Variants in ZRANB3 observed in about 807,000 individuals in gnomAD.
ZRANB3 encodes the protein zinc finger RANBP2-type containing 3.
A neutral mutation model predicts 133.8 loss-of-function variants in ZRANB3; 125 were observed. The ratio of observed to expected loss-of-function variants is 0.93; its 90% CI spans 0.81 to 1.08. ZRANB3 has a LOEUF of 1.08. Ranked by LOEUF, ZRANB3 falls within the 50% of genes least tolerant of loss-of-function variation. ZRANB3 has a pLI of 0.00. For synonymous variants in ZRANB3, 387 were observed against 432.7 expected, an observed-to-expected ratio of 0.89 and a Z score of 1.31; for missense variants, 1,229 against 1,275.5, an observed-to-expected ratio of 0.96 and a Z score of 0.56.
chr2:135,298,733 T>C (rs1281498772), intron 8 of ZRANB3, among the ~76,000 whole-genome samples: 1 of 152,200 alleles, frequency 6.6e-6, no homozygotes, highest in Admixed American at 6.5e-5. Context: ...AGTAGGGCAG[T>C]GAAATGGACT....
chr2:135,400,439 G>T (rs1687685748), intron 2 of ZRANB3, among the ~76,000 whole-genome samples: 1 of 151,752 alleles, frequency 6.6e-6, no homozygotes, highest in Non-Finnish European at 1.5e-5. Context: ...TCCGCCTCCT[G>T]GGTTCAAGTG....
intron 2 of ZRANB3, among the ~76,000 whole-genome samples, chr2:135,495,451 C>A (rs1692622826): frequency 6.6e-6 from 1 of 152,016 alleles, no homozygotes; most frequent in Non-Finnish European, 1.5e-5. Flanking sequence ...ATTAAAGGAG[C>A]ATAATGTATG....
intron 19 of ZRANB3, among the ~76,000 whole-genome samples, chr2:135,203,463 C>G (rs1028781686): frequency 6.6e-6 from 1 of 151,598 alleles, no homozygotes; most frequent in South Asian, 2.1e-4. Flanking sequence ...ACTAAAAATA[C>G]AAAAAATTAG....
At chr2:135,500,718 T>C (rs1692898724) in intron 2 of ZRANB3, among the ~76,000 whole-genome samples, 1 of 135,238 alleles carries the variant, frequency 7.4e-6, no homozygotes, top group Non-Finnish European at 1.5e-5. Flanking sequence ...TATACATTCA[T>C]AATCTATGTA....
intron 3 of ZRANB3, among the ~76,000 whole-genome samples, chr2:135,362,331 GA>G (rs1472548065): frequency 6.6e-6 from 1 of 152,162 alleles, no homozygotes; most frequent in Non-Finnish European, 1.5e-5. Flanking sequence ...ACTCAAGACA[GA>G]AGAGTCTATG....
chr2:135,456,857 C>T (rs1158660224), intron 2 of ZRANB3, among the ~76,000 whole-genome samples: 1 of 152,188 alleles, frequency 6.6e-6, no homozygotes, highest in East Asian at 1.9e-4. Context: ...GACAGCAGAA[C>T]ACCTTTCAAA....
intron 17 of ZRANB3, among the ~76,000 whole-genome samples, chr2:135,213,384 G>A (rs1284767669): frequency 6.6e-6 from 1 of 152,134 alleles, no homozygotes; most frequent in Admixed American, 6.5e-5. Context: ...CAATGCTGTT[G>A]TTCAACAGCA....
intron 6 of ZRANB3, among the ~76,000 whole-genome samples, chr2:135,322,820 C>T (rs1447114795): frequency 1.3e-5 from 2 of 151,954 alleles, no homozygotes; most frequent in African/African-American, 2.4e-5. Context: ...AGTGTAAGAC[C>T]AGCCTGGATA....
At chr2:135,503,038 C>T (rs1693015068) in intron 2 of ZRANB3, among the ~76,000 whole-genome samples, 1 of 151,994 alleles carries the variant, frequency 6.6e-6, no homozygotes, top group Admixed American at 6.6e-5. Context: ...AGGCAAAATA[C>T]AAAACATCAG....
intron 2 of ZRANB3, among the ~76,000 whole-genome samples, chr2:135,418,853 A>G (rs1164388341): frequency 2.0e-5 from 3 of 149,902 alleles, no homozygotes; most frequent in African/African-American, 4.9e-5. Context: ...GATAGATGAG[A>G]GTTGACAATG....
rs1441229971 is a variant in ZRANB3 at position 135,455,031 on chromosome 2, AACAATTATATACAAGAGG to A, written c.161+49280_161+49297del. Among the ~76,000 whole-genome samples, 3 of 152,314 alleles carry A rather than the reference AACAATTATATACAAGAGG, an allele frequency of 2.0e-5. No homozygotes were observed. In the East Asian group the frequency reaches 5.8e-4, roughly 29 times the overall value. ...ACAAAAGAGGCACCAGAAACCACAG[AACAATTATATACAAGAGG>A]TATATATAACTTAGGCTGGGTCAAG... On this transcript the variant is annotated intron_variant, in intron 2 of 20. Transcript: ENST00000264159.
intron 1 of ZRANB3, among the ~76,000 whole-genome samples, chr2:135,521,507 G>A (rs1010285314): frequency 6.6e-6 from 1 of 151,868 alleles, no homozygotes; most frequent in African/African-American, 2.4e-5. Flanking sequence ...ACTCCAGCCT[G>A]GGCAAAAAAG....
chr2:135,411,902 T>G (rs1688319169), intron 2 of ZRANB3, among the ~76,000 whole-genome samples: 2 of 152,122 alleles, frequency 1.3e-5, no homozygotes, highest in Non-Finnish European at 2.9e-5. Context: ...TGTACCCCTC[T>G]GAATCTATAA....
intron 3 of ZRANB3, among the ~76,000 whole-genome samples, chr2:135,369,186 A>G (rs1246326647): frequency 2.0e-5 from 3 of 152,094 alleles, no homozygotes; most frequent in African/African-American, 7.2e-5. Flanking sequence ...AGAAATACAT[A>G]GAAAGTATTT....
At chr2:135,229,362 CA>C (rs1164714542) in intron 13 of ZRANB3, among the ~76,000 whole-genome samples, 17 of 150,464 alleles carry the variant, frequency 1.1e-4, no homozygotes, top group African/African-American at 4.2e-4. Context: ...TTGTCAATGC[CA>C]ATATTTTTTT....
chr2:135,218,510 A>G (rs1184093095), intron 16 of ZRANB3, among the ~76,000 whole-genome samples: 2 of 146,858 alleles, frequency 1.4e-5, no homozygotes, highest in Non-Finnish European at 3.0e-5. Flanking sequence ...TTTCCACTCA[A>G]ATGGTAAAAA....
intron 2 of ZRANB3, among the ~76,000 whole-genome samples, chr2:135,484,165 C>T (rs2104797438): frequency 6.6e-6 from 1 of 152,200 alleles, no homozygotes; most frequent in African/African-American, 2.4e-5. Context: ...CCTGGGTATC[C>T]TTGTTGACTT....
chr2:135,409,343 T>G (rs1349531426), intron 2 of ZRANB3, among the ~76,000 whole-genome samples: 2 of 151,872 alleles, frequency 1.3e-5, no homozygotes, highest in African/African-American at 2.4e-5. Flanking sequence ...GGAGAAGATA[T>G]CCAAACAATA....
At chr2:135,389,861 T>C (rs1687143745) in intron 3 of ZRANB3, among the ~76,000 whole-genome samples, 1 of 151,530 alleles carries the variant, frequency 6.6e-6, no homozygotes. Flanking sequence ...GAAAAGTGTA[T>C]GTTTTGCTGT....
Sources: gnomAD v4.1 joint callset for allele counts (sites outside exome capture counted in the v4.1 genomes callset) on GRCh38, gnomAD v4.1.1 for gene constraint, MANE v1.5 for transcripts, NCBI Gene and HGNC (gene_info 2026-07-23, HGNC 2026-07-21) for gene names.